MET: variants seen among roughly 807,000 people sequenced by gnomAD.
The protein encoded by MET is MET proto-oncogene, receptor tyrosine kinase.
Under a neutral mutation model 133.1 loss-of-function variants are expected in MET, and 48 were observed. The ratio of observed to expected loss-of-function variants is 0.36; its 90% CI spans 0.29 to 0.46. The LOEUF (loss-of-function observed/expected upper bound fraction) is 0.46. Among genes scored for constraint, MET ranks in the 20% least tolerant of loss-of-function variants. The pLI, the probability that MET is intolerant of heterozygous loss-of-function variation, is 1.00. For missense variants in MET, 1,442 were observed against 1,695.9 expected (o/e 0.85, Z 2.63); for synonymous variants, 628 against 616.5 (o/e 1.02, Z -0.28).
chr7:116,785,837 C>A (rs1381725732), intron 19 of MET, among the ~76,000 whole-genome samples: 1 of 152,136 alleles, frequency 6.6e-6, no homozygotes, highest in Non-Finnish European at 1.5e-5. Flanking sequence ...TATGCTCATG[C>A]AATAACACAT....
chr7:116,730,382 GTTC>G (rs1448319901), intron 2 of MET, among the ~76,000 whole-genome samples: 1 of 152,174 alleles, frequency 6.6e-6, no homozygotes, highest in African/African-American at 2.4e-5. Flanking sequence ...AAAAAATGTT[GTTC>G]TTTATCCTAA....
At chr7:116,792,119 T>C (rs1393637625) in intron 19 of MET, among the ~76,000 whole-genome samples, 2 of 152,216 alleles carry the variant, frequency 1.3e-5, no homozygotes, top group African/African-American at 2.4e-5. Context: ...GTGTTGATGT[T>C]GTATCTCCAT....
Position 116,699,852 on chromosome 7 carries a change from C to T in MET, c.768C>T (p.Asn256=), listed in dbSNP as rs1221580502. 1.2e-6 allele frequency: 2 copies of T among 1,613,964 alleles called. No individual in the cohort carries two copies. The highest frequency in any genetic ancestry group is 1.3e-5 in the African/African-American group (1 of 74,908). ...AGTATGTCCATGCCTTTGAAAGCAA[C>T]AATTTTATTTACTTCTTGACGGTCC... ...PIKYVHAFES[N]NFIYFLTVQR... The change falls in exon 2 of 21, where the codon AAC becomes AAT. Residue 256 remains asparagine, a synonymous_variant. Transcript: ENST00000397752.
chr7:116,763,260 GA>G lies in MET; in HGVS notation c.2578del (p.Ile860LeufsTer16). On this transcript the variant is annotated frameshift_variant, in exon 11 of 21. Transcript: ENST00000397752. LOFTEE classifies it high-confidence loss of function. ...MISMGNENVL[E>X]IKGNDIDPEA... Reference sequence around the variant, plus strand: ...CTCAATGGGCAATGAAAATGTACTGGAAATTAAGGTAAGAAATGCTTTAAAC... The same window carrying G: ...CTCAATGGGCAATGAAAATGTACTGGAATTAAGGTAAGAAATGCTTTAAAC... 1 of 1,613,402 alleles carries G rather than the reference GA, an allele frequency of 6.2e-7. No individual in the cohort carries two copies. The highest frequency in any genetic ancestry group is 8.5e-7 in the Non-Finnish European group (1 of 1,179,528).
intron 5 of MET, among the ~76,000 whole-genome samples, chr7:116,752,967 A>T (rs1793988285): frequency 6.6e-6 from 1 of 152,122 alleles, no homozygotes; most frequent in South Asian, 2.1e-4. Context: ...CTCCTACTGG[A>T]TTTCTACCAT....
chr7:116,700,395 T>C, intron 2 of MET, 111 bp downstream of exon 2: 2 of 1,233,572 alleles, frequency 1.6e-6, no homozygotes, highest in Admixed American at 2.7e-5. Context: ...ATGGTGTTTA[T>C]CCAAAATAGT....
At chr7:116,721,581 T>C (rs1198768041) in intron 2 of MET, among the ~76,000 whole-genome samples, 1 of 152,204 alleles carries the variant, frequency 6.6e-6, no homozygotes, top group African/African-American at 2.4e-5. Flanking sequence ...GATGTTAGGG[T>C]GTCAATTTTG....
intron 2 of MET, among the ~76,000 whole-genome samples, chr7:116,723,646 T>A (rs1483143808): frequency 1.8e-4 from 28 of 152,280 alleles, no homozygotes; most frequent in Admixed American, 1.8e-3. Context: ...GATGGTGATG[T>A]ACAGATGGGT....
intron 6 of MET, 136 bp downstream of exon 6, chr7:116,755,651 G>A (rs1794150426): frequency 1.1e-5 from 12 of 1,076,102 alleles, no homozygotes; most frequent in Non-Finnish European, 1.5e-5. Flanking sequence ...ATGCCTTGTG[G>A]GTCTGTTCTG....
At chr7:116,749,071 T>C (rs955628663) in intron 5 of MET, among the ~76,000 whole-genome samples, 3 of 151,830 alleles carry the variant, frequency 2.0e-5, no homozygotes, top group African/African-American at 7.3e-5. Flanking sequence ...TTCCAAACAA[T>C]AGAAAAACAA....
intron 10 of MET, among the ~76,000 whole-genome samples, chr7:116,762,454 C>T (rs964090669): frequency 3.3e-5 from 5 of 152,168 alleles, no homozygotes; most frequent in Non-Finnish European, 7.3e-5. Context: ...CAGAACCTGG[C>T]ATTCAATAAT....
At chr7:116,773,493 G>C (rs567175972) in intron 14 of MET, among the ~76,000 whole-genome samples, 1 of 152,298 alleles carries the variant, frequency 6.6e-6, no homozygotes, top group Admixed American at 6.5e-5. Context: ...TAAGCATTTA[G>C]AGCCCTGATC....
chr7:116,690,702 A>G (rs1796752914), intron 1 of MET, among the ~76,000 whole-genome samples: 1 of 152,226 alleles, frequency 6.6e-6, no homozygotes, highest in South Asian at 2.1e-4. Context: ...CTTTCAGCCC[A>G]GTGGATCTAT....
At chr7:116,740,440 C>A (rs1025528705) in intron 4 of MET, among the ~76,000 whole-genome samples, 3 of 152,184 alleles carry the variant, frequency 2.0e-5, no homozygotes, top group African/African-American at 7.2e-5. Flanking sequence ...TCCCTTTTCT[C>A]CTAGAGAAGA....
intron 17 of MET, among the ~76,000 whole-genome samples, chr7:116,779,336 C>T (rs907286172): frequency 1.3e-5 from 2 of 152,208 alleles, no homozygotes; most frequent in African/African-American, 4.8e-5. Context: ...ACTCCAGATG[C>T]GTTCCTTGCT....
At chr7:116,714,807 C>G (rs1417604262) in intron 2 of MET, among the ~76,000 whole-genome samples, 6 of 151,624 alleles carry the variant, frequency 4.0e-5, no homozygotes, top group Non-Finnish European at 7.4e-5. Context: ...CCCTCAAAGA[C>G]TAGCATATAT....
At chr7:116,771,729 T>C (rs1794840496) in intron 13 of MET, 75 bp downstream of exon 13, 5 of 1,608,430 alleles carry the variant, frequency 3.1e-6, no homozygotes, top group Admixed American at 3.3e-5. Context: ...TTGTCGTCGA[T>C]TCTTGTGTGC....
At chr7:116,723,333 C>CA (rs1179719039) in intron 2 of MET, among the ~76,000 whole-genome samples, 3 of 146,974 alleles carry the variant, frequency 2.0e-5, no homozygotes, top group Non-Finnish European at 4.5e-5. Context: ...TCAGCTCCAT[C>CA]AGCTCCTTTA....
At chr7:116,751,015 G>A (rs907156890) in intron 5 of MET, among the ~76,000 whole-genome samples, 2 of 152,152 alleles carry the variant, frequency 1.3e-5, no homozygotes, top group Non-Finnish European at 2.9e-5. Context: ...ACAGTATGGC[G>A]ATTCCTCAAG....
Sources: allele counts gnomAD v4.1 joint callset (sites outside exome capture counted in the v4.1 genomes callset), GRCh38; gene constraint gnomAD v4.1.1; transcripts MANE v1.5; gene names NCBI Gene and HGNC (gene_info 2026-07-23, HGNC 2026-07-21).